The following EXOC6B variants were observed in gnomAD, a reference collection of about 807,000 sequenced individuals.
EXOC6B encodes the protein SEC15 homolog B.
A neutral mutation model predicts 113.5 loss-of-function variants in EXOC6B; 54 were observed. The observed-to-expected ratio is 0.48, with a 90% confidence interval of 0.38 to 0.60. The LOEUF is 0.60. Ranked by LOEUF, EXOC6B falls within the 20% of genes least tolerant of loss-of-function variation. The pLI, the probability that EXOC6B is intolerant of heterozygous loss-of-function variation, is 0.00. For synonymous variants in EXOC6B, 357 were observed against 339.0 expected, an observed-to-expected ratio of 1.05 and a Z score of -0.58; for missense variants, 797 against 977.5, an observed-to-expected ratio of 0.82 and a Z score of 2.46.
At chr2:72,253,780 C>T (rs1424735377) in intron 20 of EXOC6B, among the ~76,000 whole-genome samples, 3 of 152,112 alleles carry the variant, frequency 2.0e-5, no homozygotes, top group Non-Finnish European at 1.5e-5. Flanking sequence ...AAATAATCTG[C>T]ACACTGAACC....
chr2:72,483,569 TGTCA>T (rs1272043788), intron 16 of EXOC6B, among the ~76,000 whole-genome samples: 1 of 152,224 alleles, frequency 6.6e-6, no homozygotes, highest in Non-Finnish European at 1.5e-5. Context: ...ATCAATTGGC[TGTCA>T]GTCACTTTTT....
At chr2:72,701,507 AT>A (rs1678344783) in intron 6 of EXOC6B, among the ~76,000 whole-genome samples, 1 of 152,210 alleles carries the variant, frequency 6.6e-6, no homozygotes, top group Non-Finnish European at 1.5e-5. Context: ...TAAAATATCC[AT>A]GGAGAGTCTC....
In EXOC6B at chr2:72,382,087, C is replaced by A. The variant is rs541858306; in HGVS notation, c.1981-2217G>T. Among the ~76,000 whole-genome samples, 7 of 152,218 alleles carry A rather than the reference C, an allele frequency of 4.6e-5. No individual in the cohort carries two copies. In the East Asian group the frequency reaches 1.4e-3, roughly 29 times the overall value. Reference sequence around the variant, plus strand: ...TAATTTAGAGATCAAGTGGAACAGACACAATAGAGGCAAAAACAAATTCTA... The same window carrying A: ...TAATTTAGAGATCAAGTGGAACAGAAACAATAGAGGCAAAAACAAATTCTA... On this transcript the variant is annotated intron_variant, in intron 18 of 21. Coordinates refer to ENST00000272427, the MANE Select transcript of EXOC6B (RefSeq NM_015189.3).
intron 18 of EXOC6B, among the ~76,000 whole-genome samples, chr2:72,456,710 T>G (rs1286763421): frequency 6.6e-6 from 1 of 152,090 alleles, no homozygotes; most frequent in Non-Finnish European, 1.5e-5. Flanking sequence ...GTATTTTGAG[T>G]CCTCATCAAC....
chr2:72,726,393 G>T lies in EXOC6B; in HGVS notation c.464+4614C>A, dbSNP rs1376926615. Among the ~76,000 whole-genome samples, 3 of 152,078 alleles carry T rather than the reference G, an allele frequency of 2.0e-5. No individual in the cohort carries two copies. In the East Asian group the frequency reaches 5.8e-4, roughly 29 times the overall value. ...GTAATTCAATTTAAAAACTGAAGGT[G>T]AAATAAATACTTTTTTCAGAAATAC... is the stretch of plus-strand genomic sequence containing the variant. On this transcript the variant is annotated intron_variant, in intron 5 of 21. Coordinates refer to ENST00000272427, the MANE Select transcript of EXOC6B (RefSeq NM_015189.3).
At chr2:72,401,599 A>G (rs1471045636) in intron 18 of EXOC6B, among the ~76,000 whole-genome samples, 3 of 37,774 alleles carry the variant, frequency 7.9e-5, no homozygotes, top group East Asian at 4.9e-4. Context: ...ATATATATAT[A>G]TATGTGTATA....
At chr2:72,401,638 C>CATATAT (rs1343954890) in intron 18 of EXOC6B, among the ~76,000 whole-genome samples, 1 of 15,486 alleles carries the variant, frequency 6.5e-5, no homozygotes, top group African/African-American at 4.2e-4. Flanking sequence ...TATATATATA[C>CATATAT]ATATATACAT....
At chr2:72,575,709 G>A (rs1223158603) in intron 6 of EXOC6B, 41 bp from the exon 7 acceptor site, 13 of 1,443,430 alleles carry the variant, frequency 9.0e-6, no homozygotes, top group South Asian at 1.6e-5. Context: ...CCAAAAAGGT[G>A]GGGTTAGGGA....
chr2:72,758,420 G>A (rs968996123), intron 1 of EXOC6B, among the ~76,000 whole-genome samples: 2 of 151,436 alleles, frequency 1.3e-5, no homozygotes, highest in Non-Finnish European at 2.9e-5. Context: ...TTGCTTCCTA[G>A]TCCACTTACA....
chr2:72,515,243 C>A (rs775871545), intron 8 of EXOC6B, 117 bp from the exon 9 acceptor site: 1 of 1,022,246 alleles, frequency 9.8e-7, no homozygotes, highest in Non-Finnish European at 1.4e-6. Flanking sequence ...TTCTCAAAAT[C>A]TGCTATTTTA....
At chr2:72,597,210 T>G (rs753688872) in intron 6 of EXOC6B, among the ~76,000 whole-genome samples, 1 of 151,510 alleles carries the variant, frequency 6.6e-6, no homozygotes, top group Admixed American at 6.6e-5. Context: ...AATTTAAAAT[T>G]TTTAATTCTT....
intron 6 of EXOC6B, among the ~76,000 whole-genome samples, chr2:72,686,270 C>T (rs1294483749): frequency 1.3e-5 from 2 of 152,030 alleles, no homozygotes; most frequent in Non-Finnish European, 2.9e-5. Flanking sequence ...CTTTTAAGTC[C>T]AAGGAATGAA....
chr2:72,620,815 A>G (rs1469932252), intron 6 of EXOC6B, among the ~76,000 whole-genome samples: 2 of 152,128 alleles, frequency 1.3e-5, no homozygotes, highest in African/African-American at 4.8e-5. Context: ...AGCAAAAGAC[A>G]AATAACCCGA....
intron 18 of EXOC6B, among the ~76,000 whole-genome samples, chr2:72,401,494 CATATATAT>C (rs1170388566): frequency 6.7e-5 from 4 of 59,616 alleles, no homozygotes; most frequent in South Asian, 4.7e-4. Context: ...ATTTTATATA[CATATATAT>C]ATATATATAT....
rs893070577 is a variant in EXOC6B, at chr2:72,384,635, C to T, written c.1981-4765G>A. Among the ~76,000 whole-genome samples, 12 of 151,894 alleles carry T rather than the reference C, an allele frequency of 7.9e-5. 1 individual carries two copies. Among genetic ancestry groups the T allele is most frequent in the African/African-American group, 2.9e-4 (12 of 41,482 alleles). ...TATAGACAGAACTCTAAAAATTCCA[C>T]CAAAAACTGTTAGAATAAACAAATT... On this transcript the variant is annotated intron_variant, in intron 18 of 21. Transcript: ENST00000272427.
intron 20 of EXOC6B, among the ~76,000 whole-genome samples, chr2:72,331,143 T>C (rs1190698641): frequency 6.6e-6 from 1 of 152,116 alleles, no homozygotes; most frequent in Non-Finnish European, 1.5e-5. Context: ...AATGGCTTCA[T>C]CCTTCAATGT....
At chr2:72,224,179 A>G (rs1681054545) in intron 20 of EXOC6B, among the ~76,000 whole-genome samples, 3 of 152,346 alleles carry the variant, frequency 2.0e-5, no homozygotes, top group South Asian at 4.1e-4. Flanking sequence ...CAACAAAGCA[A>G]TGAGAAGTTG....
intron 20 of EXOC6B, among the ~76,000 whole-genome samples, chr2:72,251,062 A>G (rs1027038741): frequency 8.2e-6 from 1 of 121,286 alleles, no homozygotes; most frequent in Non-Finnish European, 2.0e-5. Flanking sequence ...TCGGGAGCTC[A>G]CGTAATCTGC....
intron 1 of EXOC6B, among the ~76,000 whole-genome samples, chr2:72,768,792 T>TA (rs1248446142): frequency 3.9e-5 from 6 of 152,256 alleles, no homozygotes; most frequent in African/African-American, 1.4e-4. Context: ...TCAAGCCCTA[T>TA]AAACCCAAAG....
Sources: gnomAD v4.1 joint callset for allele counts (sites outside exome capture counted in the v4.1 genomes callset) on GRCh38, gnomAD v4.1.1 for gene constraint, MANE v1.5 for transcripts, NCBI Gene and HGNC (gene_info 2026-07-23, HGNC 2026-07-21) for gene names.